Variants in RUNDC3B observed in about 807,000 individuals in gnomAD.
RUNDC3B encodes RUN domain-containing protein 3B.
RUNDC3B carries 33 observed loss-of-function variants against 58.4 expected under a neutral mutation model. The ratio of observed to expected loss-of-function variants is 0.56; its 90% CI spans 0.43 to 0.75. The LOEUF is 0.75. Ranked by LOEUF, RUNDC3B falls within the 30% of genes least tolerant of loss-of-function variation. The pLI is 0.00. For synonymous variants in RUNDC3B, 193 were observed against 195.2 expected (o/e 0.99, Z 0.10); for missense variants, 501 against 535.7 (o/e 0.94, Z 0.64).
intron 8 of RUNDC3B, among the ~76,000 whole-genome samples, chr7:87,804,289 T>G (rs1836321488): frequency 6.6e-6 from 1 of 152,148 alleles, no homozygotes; most frequent in Non-Finnish European, 1.5e-5. Flanking sequence ...TTAAATATTT[T>G]TCCCTAATAG....
intron 7 of RUNDC3B, among the ~76,000 whole-genome samples, chr7:87,776,889 T>G (rs1332169198): frequency 6.6e-6 from 1 of 152,048 alleles, no homozygotes; most frequent in Non-Finnish European, 1.5e-5. Flanking sequence ...AGAAGAATAC[T>G]TTAAAAAGAT....
At chr7:87,768,325 G>A (rs544187271) in intron 6 of RUNDC3B, among the ~76,000 whole-genome samples, 62 of 152,272 alleles carry the variant, frequency 4.1e-4, no homozygotes, top group African/African-American at 1.4e-3. Context: ...GGCCCACACC[G>A]AGGACTAGAT....
In RUNDC3B at chr7:87,679,448, G is replaced by A. The variant is rs986788796; in HGVS notation, c.239-20973G>A. On this transcript the variant is annotated intron_variant, in intron 2 of 10. Coordinates refer to ENST00000394654, the MANE Select transcript of RUNDC3B (RefSeq NM_001134405.2). The stretch of plus-strand genomic sequence containing the variant: ...CTGTCACCCAGGTTGGAGTGCAATG[G>A]CACAATCATGGCTCACCACAGCCTC... Among the ~76,000 whole-genome samples the A allele has an allele frequency of 4.6e-4, 69 of 149,454 alleles. 3 individuals carry two copies. The highest frequency in any genetic ancestry group is 3.4e-3 in the Middle Eastern group (1 of 294).
At chr7:87,709,588 G>T (rs1583952715) in intron 3 of RUNDC3B, 1 of 870,492 alleles carries the variant, frequency 1.1e-6, no homozygotes, top group East Asian at 1.2e-4. Context: ...TAGCCTGACA[G>T]GTTTTAACTA....
At chr7:87,756,308 A>T (rs1833367117) in intron 6 of RUNDC3B, among the ~76,000 whole-genome samples, 1 of 152,134 alleles carries the variant, frequency 6.6e-6, no homozygotes, top group South Asian at 2.1e-4. Context: ...TTATTCATAG[A>T]AAGTCCTGTT....
chr7:87,714,285 C>G (rs28381712), intron 4 of RUNDC3B, among the ~76,000 whole-genome samples: 113 of 152,218 alleles, frequency 7.4e-4, no homozygotes, highest in African/African-American at 2.6e-3. Context: ...GGGTCACTAC[C>G]TTCTGGTCCC....
At chr7:87,661,238 G>A (rs1824679742) in intron 2 of RUNDC3B, among the ~76,000 whole-genome samples, 2 of 151,612 alleles carry the variant, frequency 1.3e-5, no homozygotes, top group South Asian at 4.2e-4. Context: ...ATCACTTCAA[G>A]CATTCATTTT....
intron 2 of RUNDC3B, among the ~76,000 whole-genome samples, chr7:87,684,400 G>A (rs1827233568): frequency 6.6e-6 from 1 of 152,048 alleles, no homozygotes; most frequent in South Asian, 2.1e-4. Flanking sequence ...GAACTAAGTT[G>A]GAAACTCAAA....
intron 8 of RUNDC3B, among the ~76,000 whole-genome samples, chr7:87,793,048 A>G (rs951683317): frequency 6.6e-6 from 1 of 152,136 alleles, no homozygotes; most frequent in African/African-American, 2.4e-5. Context: ...TCAAAGGATC[A>G]TTAGTGGCTA....
At chr7:87,678,092 C>T (rs1198916377) in intron 2 of RUNDC3B, among the ~76,000 whole-genome samples, 1 of 152,176 alleles carries the variant, frequency 6.6e-6, no homozygotes, top group African/African-American at 2.4e-5. Flanking sequence ...AAACTTGGAA[C>T]TTCATGAATG....
chr7:87,726,806 C>G (rs1457349860), intron 4 of RUNDC3B, among the ~76,000 whole-genome samples: 1 of 152,086 alleles, frequency 6.6e-6, no homozygotes, highest in Non-Finnish European at 1.5e-5. Flanking sequence ...CCTTCACATC[C>G]CTTGTAAGTT....
At chr7:87,790,748 A>G (rs1042665899) in intron 8 of RUNDC3B, among the ~76,000 whole-genome samples, 2 of 152,062 alleles carry the variant, frequency 1.3e-5, no homozygotes, top group African/African-American at 4.8e-5. Flanking sequence ...AGCAGAAGAA[A>G]GAATTAGTGA....
intron 4 of RUNDC3B, among the ~76,000 whole-genome samples, chr7:87,716,046 G>A (rs927113876): frequency 2.6e-5 from 4 of 151,990 alleles, no homozygotes; most frequent in African/African-American, 9.7e-5. Context: ...CTTGCTAGAA[G>A]TGCCAAAAAC....
chr7:87,665,948 G>A (rs773992353), intron 2 of RUNDC3B, among the ~76,000 whole-genome samples: 3 of 151,992 alleles, frequency 2.0e-5, no homozygotes, highest in Admixed American at 6.6e-5. Flanking sequence ...GTGAACATAC[G>A]TGTACATGTG....
chr7:87,764,169 A>C (rs985052386), intron 6 of RUNDC3B, among the ~76,000 whole-genome samples: 3 of 151,810 alleles, frequency 2.0e-5, no homozygotes, highest in Admixed American at 2.0e-4. Context: ...AGATTACTTT[A>C]TGTAAATTTA....
intron 6 of RUNDC3B, among the ~76,000 whole-genome samples, chr7:87,748,071 G>T (rs952615540): frequency 6.6e-6 from 1 of 152,168 alleles, no homozygotes; most frequent in African/African-American, 2.4e-5. Context: ...TTTAGCCCCT[G>T]CTCCTCTGGC....
chr7:87,689,993 A>T (rs1004923846), intron 2 of RUNDC3B, among the ~76,000 whole-genome samples: 1 of 151,886 alleles, frequency 6.6e-6, no homozygotes, highest in Non-Finnish European at 1.5e-5. Context: ...TTTTTTTTTA[A>T]AAATTTTTAA....
chr7:87,649,390 G>A (rs1823348968), intron 1 of RUNDC3B, among the ~76,000 whole-genome samples: 1 of 152,162 alleles, frequency 6.6e-6, no homozygotes, highest in African/African-American at 2.4e-5. Flanking sequence ...CAGAAAGCGT[G>A]GTTCTGCCTG....
At chr7:87,714,200 T>C (rs993350618) in intron 4 of RUNDC3B, among the ~76,000 whole-genome samples, 1 of 152,210 alleles carries the variant, frequency 6.6e-6, no homozygotes, top group Non-Finnish European at 1.5e-5. Flanking sequence ...AACGGGGCTC[T>C]CTCTTTGTTC....
Sources: gnomAD v4.1 joint callset for allele counts (sites outside exome capture counted in the v4.1 genomes callset) on GRCh38, gnomAD v4.1.1 for gene constraint, MANE v1.5 for transcripts, NCBI Gene and HGNC (gene_info 2026-07-23, HGNC 2026-07-21) for gene names.